SLC34A2: variants seen among roughly 807,000 people sequenced by gnomAD.
SLC34A2 encodes the protein sodium-dependent phosphate transport protein 2B.
Under a neutral mutation model 50.8 loss-of-function variants are expected in SLC34A2, and 41 were observed. The ratio of observed to expected loss-of-function variants is 0.81; its 90% CI spans 0.63 to 1.05. The LOEUF is 1.05. Among genes scored for constraint, SLC34A2 ranks in the 50% least tolerant of loss-of-function variants. The pLI is 0.00. For synonymous variants in SLC34A2, 401 were observed against 364.2 expected (o/e 1.10, Z -1.15); for missense variants, 879 against 876.7 (o/e 1.00, Z -0.03).
intron 9 of SLC34A2, among the ~76,000 whole-genome samples, chr4:25,672,429 C>T (rs1714867130): frequency 6.6e-6 from 1 of 152,210 alleles, no homozygotes. Context: ...AGTGAGCTTG[C>T]ATGATGCTCT....
chr4:25,674,216 C>G, intron 10 of SLC34A2, 80 bp from the exon 11 acceptor site: 4 of 1,017,898 alleles, frequency 3.9e-6, no homozygotes, highest in Non-Finnish European at 6.2e-6. Context: ...AACCTCACCC[C>G]TAAGCCCAGC....
chr4:25,667,386 C>A (rs993590489), intron 5 of SLC34A2, among the ~76,000 whole-genome samples: 1 of 152,192 alleles, frequency 6.6e-6, no homozygotes, highest in Non-Finnish European at 1.5e-5. Context: ...GTGGTGCATG[C>A]CTCCAGTCTC....
intron 6 of SLC34A2, 152 bp downstream of exon 6, chr4:25,668,143 G>T: frequency 1.4e-6 from 1 of 697,146 alleles, no homozygotes; most frequent in Non-Finnish European, 2.6e-6. Context: ...GCTAGGGTTG[G>T]ATCACATACT....
At chr4:25,662,030 G>C (rs976233164) in intron 1 of SLC34A2, among the ~76,000 whole-genome samples, 1 of 151,964 alleles carries the variant, frequency 6.6e-6, no homozygotes, top group Non-Finnish European at 1.5e-5. Flanking sequence ...GTGCCACCAC[G>C]CCGGCTAATT....
At chr4:25,657,729 C>T (rs1713963900) in intron 1 of SLC34A2, among the ~76,000 whole-genome samples, 1 of 152,186 alleles carries the variant, frequency 6.6e-6, no homozygotes, top group South Asian at 2.1e-4. Flanking sequence ...CTCCTCTCAT[C>T]ACTACCACCA....
rs1715165560 is a variant in SLC34A2 at position 25,676,892 on chromosome 4, G to A, written c.*143G>A. 1.8e-6 allele frequency: 2 copies of A among 1,131,284 alleles called. No individual in the cohort carries two copies. Among genetic ancestry groups the A allele is most frequent in the African/African-American group, 2.7e-5 (1 of 36,922 alleles). 70.1% of individuals were successfully genotyped at this position (1,131,284 alleles called of 1,614,324 possible). A position where few individuals can be genotyped will look rare whatever the true frequency, so the allele number is the denominator to read the frequency against. ...AAATTGATGCAGTCCTACCTAACTC[G>A]ATTCCCTTTGGCTTGGTGGTAGGCC... is the stretch of plus-strand genomic sequence containing the variant. On this transcript the variant is annotated 3_prime_UTR_variant, in exon 13 of 13. Coordinates refer to ENST00000382051, the MANE Select transcript of SLC34A2 (RefSeq NM_006424.3).
At chr4:25,662,980 AT>A (rs1714292401) in intron 3 of SLC34A2, 138 bp downstream of exon 3, 1 of 1,023,522 alleles carries the variant, frequency 9.8e-7, no homozygotes, top group Non-Finnish European at 1.4e-6. Context: ...TCACCCTCTC[AT>A]CTTTTTTTTT....
chr4:25,673,026 TAAC>T, intron 9 of SLC34A2, 58 bp from the exon 10 acceptor site: 4 of 1,554,632 alleles, frequency 2.6e-6, no homozygotes, highest in Non-Finnish European at 3.6e-6. Flanking sequence ...GGGGAATAAA[TAAC>T]AATCTGTAGC....
In SLC34A2 at chr4:25,676,597, T is replaced by C. The variant is rs1351450858; in HGVS notation, c.1921T>C (p.Cys641Arg). 1.5e-5 allele frequency: 25 copies of C among 1,613,080 alleles called. No homozygotes were observed. The highest frequency in any genetic ancestry group is 1.9e-5 in the Non-Finnish European group (22 of 1,179,238). Residue 641 changes from cysteine to arginine, a missense_variant, in exon 13 of 13, where the codon TGC becomes CGC. By Grantham distance (180) the Cys-to-Arg change is radical. Transcript: ENST00000382051. ...LLCDCPKCCR[C>R]SKCCEDLEEA... ...GTGTGACTGCCCCAAGTGCTGCCGC[T>C]GCAGCAAGTGCTGCGAGGACTTGGA...
intron 1 of SLC34A2, among the ~76,000 whole-genome samples, chr4:25,658,430 T>C (rs1714001933): frequency 6.6e-6 from 1 of 152,184 alleles, no homozygotes; most frequent in Non-Finnish European, 1.5e-5. Context: ...ACTGCTGCTC[T>C]GGGCACAAGG....
intron 9 of SLC34A2, 44 bp downstream of exon 9, chr4:25,671,765 TG>T (rs1330171740): frequency 3.1e-6 from 5 of 1,613,912 alleles, no homozygotes; most frequent in Admixed American, 1.7e-5. Context: ...AGGTGTTGTC[TG>T]GGGGTGACCT....
In SLC34A2 at chr4:25,668,248, C is replaced by T. The variant is rs149527883; in HGVS notation, c.635+257C>T. Among the ~76,000 whole-genome samples the T allele has an allele frequency of 2.7e-3, 411 of 152,302 alleles. 5 individuals carry two copies. The highest frequency in any genetic ancestry group is 9.2e-3 in the African/African-American group (383 of 41,554). ...TTGTAGGATTAAATATACAACCCAG[C>T]AGGTGAGTGTTCAGAGCACCCAGCA... On this transcript the variant is annotated intron_variant, in intron 6 of 12. Transcript: ENST00000382051.
intron 6 of SLC34A2, 46 bp from the exon 7 acceptor site, chr4:25,669,601 C>G (rs374591054): frequency 6.3e-7 from 1 of 1,579,640 alleles, no homozygotes; most frequent in Non-Finnish European, 8.7e-7. Flanking sequence ...ACATGGTGCC[C>G]ACTTGCTTAG....
Position 25,656,075 on chromosome 4 carries a change from C to T in SLC34A2, c.-4+185C>T, listed in dbSNP as rs537507114. Among the ~76,000 whole-genome samples, 38 of 152,346 alleles carry T rather than the reference C, an allele frequency of 2.5e-4. 1 individual carries two copies. In the South Asian group the frequency reaches 7.5e-3, roughly 30 times the overall value. On this transcript the variant is annotated intron_variant, in intron 1 of 12. Coordinates refer to ENST00000382051, the MANE Select transcript of SLC34A2 (RefSeq NM_006424.3). ...TTTCTTCTTAATGTTACGGTTATTG[C>T]TTTTATTACAGCTTTTGCTGCTACA... is the stretch of plus-strand genomic sequence containing the variant.
chr4:25,670,632 AG>A lies in SLC34A2; in HGVS notation c.832-105del. The A allele has an allele frequency of 3.7e-6, 3 of 815,432 alleles. No homozygotes were observed. In the South Asian group the frequency reaches 4.3e-5, roughly 12 times the overall value. 50.5% of individuals were successfully genotyped at this position (815,432 alleles called of 1,614,324 possible). On this transcript the variant is annotated intron_variant, in intron 7 of 12. Coordinates refer to ENST00000382051, the MANE Select transcript of SLC34A2 (RefSeq NM_006424.3). ...CCACTTTGCCTCTCTGGGGGCTCAC[AG>A]TCACATTTATCTCCTTAGAGCCCCT... is the stretch of plus-strand genomic sequence containing the variant.
chr4:25,668,128 G>C (rs1409432966), intron 6 of SLC34A2, 137 bp downstream of exon 6: 2 of 712,916 alleles, frequency 2.8e-6, no homozygotes, highest in African/African-American at 3.5e-5. Context: ...CCACAGGGAG[G>C]TATGGCTAGG....
intron 3 of SLC34A2, among the ~76,000 whole-genome samples, chr4:25,663,621 G>T (rs79265654): frequency 1.6e-3 from 246 of 152,236 alleles, no homozygotes; most frequent in African/African-American, 5.6e-3. Context: ...GGAGATTGGG[G>T]TGTGGGGTGG....
intron 3 of SLC34A2, among the ~76,000 whole-genome samples, chr4:25,663,420 A>T (rs1161454455): frequency 6.6e-6 from 1 of 152,174 alleles, no homozygotes; most frequent in Non-Finnish European, 1.5e-5. Flanking sequence ...GATGCTGTGG[A>T]TACAGTGATG....
intron 3 of SLC34A2, 39 bp from the exon 4 acceptor site, chr4:25,664,143 TTTCCAACACTAAAAGTTTCA>T (rs1577493060): frequency 1.3e-6 from 2 of 1,586,752 alleles, no homozygotes; most frequent in African/African-American, 2.7e-5. Context: ...CTTCTCAGGG[TTTCCAACACTAAAAGTTTCA>T]TGCCTTTCTC....
Sources: gnomAD v4.1 joint callset for allele counts (sites outside exome capture counted in the v4.1 genomes callset) on GRCh38, gnomAD v4.1.1 for gene constraint, MANE v1.5 for transcripts, NCBI Gene and HGNC (gene_info 2026-07-23, HGNC 2026-07-21) for gene names.